Variants in ELF2 observed in about 807,000 individuals in gnomAD.
ELF2 encodes ETS-related transcription factor Elf-2.
A neutral mutation model predicts 54.8 loss-of-function variants in ELF2; 11 were observed. The observed-to-expected ratio is 0.20, with a 90% CI of 0.13 to 0.33. The LOEUF (loss-of-function observed/expected upper bound fraction) is 0.33. Among genes scored for constraint, ELF2 ranks in the 10% least tolerant of loss-of-function variants. The pLI, the probability that ELF2 is intolerant of heterozygous loss-of-function variation, is 1.00. For missense variants in ELF2, 513 were observed against 703.0 expected (o/e 0.73, Z 3.06); for synonymous variants, 203 against 245.1 (o/e 0.83, Z 1.61).
chr4:139,171,646 G>C (rs772488460), intron 1 of ELF2, among the ~76,000 whole-genome samples: 1 of 151,852 alleles, frequency 6.6e-6, no homozygotes, highest in African/African-American at 2.4e-5. Context: ...AAATCAGGCC[G>C]GGCATGGTGG....
At chr4:139,065,696 T>C (rs1560757681) in intron 7 of ELF2, among the ~76,000 whole-genome samples, 2 of 152,132 alleles carry the variant, frequency 1.3e-5, no homozygotes, top group African/African-American at 4.8e-5. Flanking sequence ...AAGACTGAAA[T>C]TGTAATGAGA....
At chr4:139,140,352 C>G (rs988424091) in intron 1 of ELF2, among the ~76,000 whole-genome samples, 1 of 152,194 alleles carries the variant, frequency 6.6e-6, no homozygotes, top group Non-Finnish European at 1.5e-5. Flanking sequence ...AGCACTTGAT[C>G]GTAGGCCTTG....
At chr4:139,083,603 G>A (rs1467049280) in intron 4 of ELF2, among the ~76,000 whole-genome samples, 1 of 152,210 alleles carries the variant, frequency 6.6e-6, no homozygotes, top group Non-Finnish European at 1.5e-5. Context: ...TGGCTGCCTG[G>A]TCCATGCGGA....
intron 5 of ELF2, among the ~76,000 whole-genome samples, chr4:139,072,749 C>T (rs1729701484): frequency 1.3e-5 from 2 of 152,130 alleles, no homozygotes; most frequent in Non-Finnish European, 2.9e-5. Context: ...TTAATACATA[C>T]TATCTTAGAT....
rs1297205393 is a variant in ELF2 at position 139,098,228 on chromosome 4, TCCCA to T, written c.239-24665_239-24662del. Among the ~76,000 whole-genome samples, 4 of 152,346 alleles carry T rather than the reference TCCCA, an allele frequency of 2.6e-5. No homozygotes were observed. In the East Asian group the frequency reaches 7.7e-4, roughly 29 times the overall value. On this transcript the variant is annotated intron_variant, in intron 4 of 9. Coordinates refer to ENST00000686138, the MANE Select transcript of ELF2 (RefSeq NM_001331036.3). The stretch of plus-strand genomic sequence containing the variant: ...GCTTTTTTACACTTTGACAAAGATG[TCCCA>T]CTATTTTGTAGATATGTCTAGTTTT...
intron 1 of ELF2, among the ~76,000 whole-genome samples, chr4:139,161,331 TA>T (rs1225852007): frequency 6.6e-6 from 1 of 152,200 alleles, no homozygotes; most frequent in Non-Finnish European, 1.5e-5. Flanking sequence ...CTGGTTTTAC[TA>T]GTTAGAATTT....
At chr4:139,161,012 A>T (rs943064274) in intron 1 of ELF2, among the ~76,000 whole-genome samples, 1 of 152,106 alleles carries the variant, frequency 6.6e-6, no homozygotes, top group Non-Finnish European at 1.5e-5. Context: ...ATGCAGTAAG[A>T]TCTCTCTGTG....
chr4:139,129,845 C>A (rs1405669784), intron 3 of ELF2, among the ~76,000 whole-genome samples: 5 of 152,128 alleles, frequency 3.3e-5, no homozygotes, highest in African/African-American at 1.2e-4. Context: ...ATTAATGACT[C>A]CCCTTTGGTC....
At chr4:139,103,914 G>A (rs1734159804) in intron 4 of ELF2, among the ~76,000 whole-genome samples, 1 of 152,080 alleles carries the variant, frequency 6.6e-6, no homozygotes, top group Admixed American at 6.6e-5. Flanking sequence ...CTTAAGTCCT[G>A]AAAAATAATT....
intron 4 of ELF2, among the ~76,000 whole-genome samples, chr4:139,086,874 T>C (rs1032832672): frequency 2.6e-4 from 40 of 152,306 alleles, no homozygotes; most frequent in African/African-American, 9.6e-4. Context: ...TAATAGGGGT[T>C]CAAAGAGGCA....
chr4:139,124,837 C>T (rs578056467), intron 4 of ELF2, among the ~76,000 whole-genome samples: 1 of 152,050 alleles, frequency 6.6e-6, no homozygotes, highest in South Asian at 2.1e-4. Flanking sequence ...AAAAAGCTGT[C>T]CTCATAATAC....
chr4:139,086,266 T>A (rs1731969531), intron 4 of ELF2, among the ~76,000 whole-genome samples: 1 of 152,110 alleles, frequency 6.6e-6, no homozygotes, highest in African/African-American at 2.4e-5. Context: ...TCAAAGTTGG[T>A]ACCTTGAGCA....
At chr4:139,078,940 G>A (rs1730701011) in intron 4 of ELF2, among the ~76,000 whole-genome samples, 1 of 152,128 alleles carries the variant, frequency 6.6e-6, no homozygotes, top group Non-Finnish European at 1.5e-5. Context: ...AAAAATAACT[G>A]TTTTTTGAGA....
rs554235081 is a variant in ELF2, at chr4:139,119,444, C to A, written c.238+5720G>T. The stretch of plus-strand genomic sequence containing the variant: ...CAGACTGAGTTTGGTCAATGGCGTA[C>A]CTTAGCAGGATATTATTGGGAAGAG... On this transcript the variant is annotated intron_variant, in intron 4 of 9. Coordinates refer to ENST00000686138, the MANE Select transcript of ELF2 (RefSeq NM_001331036.3). 3.9e-5 allele frequency among the ~76,000 whole-genome samples: 6 copies of A among 152,294 alleles called. No individual in the cohort carries two copies. In the South Asian group the frequency reaches 1.2e-3, roughly 32 times the overall value.
chr4:139,086,489 T>C (rs1731994731), intron 4 of ELF2, among the ~76,000 whole-genome samples: 1 of 152,226 alleles, frequency 6.6e-6, no homozygotes, highest in Admixed American at 6.5e-5. Context: ...AATGTCTATT[T>C]GAGCTTTTTA....
chr4:139,071,807 GA>G, intron 6 of ELF2, 58 bp downstream of exon 6: 1 of 1,497,824 alleles, frequency 6.7e-7, no homozygotes, highest in Non-Finnish European at 9.0e-7. Flanking sequence ...CCTTGATGAG[GA>G]AAAAGATAAG....
At position 139,093,168 on chromosome 4, in the gene ELF2, T is replaced by C. The variant is rs1038999509; in HGVS notation, c.239-19601A>G. The stretch of plus-strand genomic sequence containing the variant: ...TTTTAGTAGAGACGGGGTTTCACCG[T>C]GTTAGCCAGGATGGTTTCGATCTCC... On this transcript the variant is annotated intron_variant, in intron 4 of 9. Coordinates refer to ENST00000686138, the MANE Select transcript of ELF2 (RefSeq NM_001331036.3). Among the ~76,000 whole-genome samples, 142 of 151,854 alleles carry C rather than the reference T, an allele frequency of 9.4e-4. 1 individual carries two copies. The highest frequency in any genetic ancestry group is 1.6e-4 in the Non-Finnish European group (11 of 67,928).
intron 3 of ELF2, among the ~76,000 whole-genome samples, chr4:139,134,558 TTTTA>T (rs1737900305): frequency 6.7e-6 from 1 of 150,122 alleles, no homozygotes; most frequent in African/African-American, 2.4e-5. Flanking sequence ...TATTGTTTTA[TTTTA>T]TGTTATTTTA....
At chr4:139,091,828 T>C (rs1168434282) in intron 4 of ELF2, among the ~76,000 whole-genome samples, 2 of 151,710 alleles carry the variant, frequency 1.3e-5, no homozygotes, top group East Asian at 1.9e-4. Flanking sequence ...AACCAGAAGA[T>C]GACATTGAAA....
Sources: gnomAD v4.1 joint callset for allele counts (sites outside exome capture counted in the v4.1 genomes callset) on GRCh38, gnomAD v4.1.1 for gene constraint, MANE v1.5 for transcripts, NCBI Gene and HGNC (gene_info 2026-07-23, HGNC 2026-07-21) for gene names.